Variants in CATSPERB observed in about 807,000 individuals in gnomAD.
The protein encoded by CATSPERB is catsper channel auxiliary subunit beta.
In CATSPERB, 93 loss-of-function variants were observed where a neutral mutation model predicts 128.3. The ratio of observed to expected loss-of-function variants is 0.72; its 90% CI spans 0.61 to 0.86. CATSPERB has a LOEUF of 0.86. CATSPERB is among the 40% of genes least tolerant of loss of function. The pLI is 0.00. For synonymous variants in CATSPERB, 381 were observed against 448.8 expected, an observed-to-expected ratio of 0.85 and a Z score of 1.91; for missense variants, 1,153 against 1,329.5, an observed-to-expected ratio of 0.87 and a Z score of 2.06.
At chr14:91,637,357 G>A (rs1894394773) in intron 16 of CATSPERB, among the ~76,000 whole-genome samples, 1 of 152,166 alleles carries the variant, frequency 6.6e-6, no homozygotes, top group Non-Finnish European at 1.5e-5. Flanking sequence ...GTGCACTGAG[G>A]AGAAATGGGA....
intron 9 of CATSPERB, among the ~76,000 whole-genome samples, 162 bp downstream of exon 9, chr14:91,692,964 G>A (rs777368720): frequency 2.6e-5 from 4 of 152,090 alleles, no homozygotes; most frequent in African/African-American, 4.8e-5. Context: ...TCAATACTAC[G>A]AGGTAAAGGA....
chr14:91,624,509 C>T (rs750261609), intron 18 of CATSPERB, among the ~76,000 whole-genome samples: 4 of 152,074 alleles, frequency 2.6e-5, no homozygotes, highest in South Asian at 2.1e-4. Flanking sequence ...GGTGTGGTGG[C>T]ACATGCCTGT....
At chr14:91,653,140 C>T (rs1415251954) in intron 15 of CATSPERB, among the ~76,000 whole-genome samples, 30 of 152,076 alleles carry the variant, frequency 2.0e-4, no homozygotes, top group Admixed American at 1.6e-3. Context: ...CATTTAAAAT[C>T]GTATCAGAGA....
intron 2 of CATSPERB, among the ~76,000 whole-genome samples, chr14:91,726,063 C>T (rs1896114962): frequency 6.6e-6 from 1 of 152,192 alleles, no homozygotes; most frequent in South Asian, 2.1e-4. Context: ...CCCACACCAT[C>T]CCCCTTCTAG....
intron 17 of CATSPERB, among the ~76,000 whole-genome samples, chr14:91,626,018 A>G (rs1894153900): frequency 6.6e-6 from 1 of 152,092 alleles, no homozygotes; most frequent in Non-Finnish European, 1.5e-5. Context: ...CCAGCTACTC[A>G]GGAGGCTGAG....
chr14:91,585,099 C>T (rs1893274673), intron 26 of CATSPERB, among the ~76,000 whole-genome samples: 2 of 152,072 alleles, frequency 1.3e-5, no homozygotes, highest in South Asian at 2.1e-4. Context: ...TCACCTTAGC[C>T]TTGACCTCCC....
chr14:91,594,341 G>T (rs1238128225), intron 22 of CATSPERB, among the ~76,000 whole-genome samples: 3 of 152,000 alleles, frequency 2.0e-5, no homozygotes, highest in South Asian at 2.1e-4. Flanking sequence ...GTGGGGGGAT[G>T]GGGGAGGGAT....
intron 15 of CATSPERB, among the ~76,000 whole-genome samples, chr14:91,646,555 C>T (rs561811736): frequency 1.1e-4 from 17 of 152,348 alleles, no homozygotes; most frequent in Non-Finnish European, 2.9e-5. Context: ...TTGCAATGCC[C>T]TCCAAGGGCC....
intron 2 of CATSPERB, among the ~76,000 whole-genome samples, chr14:91,728,118 G>C (rs1364100533): frequency 2.0e-5 from 3 of 151,948 alleles, no homozygotes; most frequent in Non-Finnish European, 2.9e-5. Flanking sequence ...ATAGAAATTT[G>C]TTTTTGTTTG....
chr14:91,730,084 C>A (rs749405469), intron 1 of CATSPERB, among the ~76,000 whole-genome samples: 8 of 152,162 alleles, frequency 5.3e-5, no homozygotes, highest in Admixed American at 2.0e-4. Flanking sequence ...CCATTATGGG[C>A]TCAATTTTCT....
intron 26 of CATSPERB, among the ~76,000 whole-genome samples, chr14:91,585,481 C>G (rs1409647895): frequency 1.3e-5 from 2 of 152,122 alleles, no homozygotes; most frequent in Non-Finnish European, 2.9e-5. Flanking sequence ...ATCCATTCAG[C>G]AATTGAGTCC....
At chr14:91,602,524 A>G (rs1330158233) in intron 22 of CATSPERB, among the ~76,000 whole-genome samples, 1 of 152,178 alleles carries the variant, frequency 6.6e-6, no homozygotes, top group Non-Finnish European at 1.5e-5. Context: ...AATCCACGAG[A>G]GTACATAAGA....
intron 14 of CATSPERB, among the ~76,000 whole-genome samples, chr14:91,666,637 G>A (rs1022643043): frequency 6.6e-6 from 1 of 152,188 alleles, no homozygotes; most frequent in Non-Finnish European, 1.5e-5. Flanking sequence ...AGTTGTGGCG[G>A]TGGCCGTCTT....
Position 91,704,701 on chromosome 14 carries a change from T to C in CATSPERB, c.467A>G (p.Glu156Gly), listed in dbSNP as rs1895708333. The C allele has an allele frequency of 6.2e-7, 1 of 1,609,644 alleles. No individual in the cohort carries two copies. ...CCCAGGAGTCCACTGAAGAATCGGTTCTGTGGAAATCAAATTTGGGTGTTT... is the reference window on the plus strand; with the variant it reads ...CCCAGGAGTCCACTGAAGAATCGGTCCTGTGGAAATCAAATTTGGGTGTTT... ...TEGTLLDVIREPILQWTPGDV... is the reference protein window; with the variant it reads ...TEGTLLDVIRGPILQWTPGDV... Residue 156 changes from glutamate to glycine, a missense_variant and splice_region_variant, in exon 7 of 27, where the codon GAA becomes GGA. Physicochemically the swap from Glu to Gly is moderately conservative, Grantham distance 98 (BLOSUM62 -2). Coordinates refer to ENST00000256343, the MANE Select transcript of CATSPERB (RefSeq NM_024764.4).
intron 14 of CATSPERB, among the ~76,000 whole-genome samples, chr14:91,666,748 C>A (rs1894990155): frequency 6.6e-6 from 1 of 152,150 alleles, no homozygotes; most frequent in South Asian, 2.1e-4. Flanking sequence ...GGCTATCAGA[C>A]AACCGCCTAC....
At chr14:91,697,121 A>G (rs1595183062) in intron 7 of CATSPERB, among the ~76,000 whole-genome samples, 1 of 152,278 alleles carries the variant, frequency 6.6e-6, no homozygotes, top group Non-Finnish European at 1.5e-5. Context: ...AAGATTCATG[A>G]TCATGAATTT....
chr14:91,716,973 T>C (rs1355860783), intron 5 of CATSPERB, among the ~76,000 whole-genome samples: 1 of 152,190 alleles, frequency 6.6e-6, no homozygotes, highest in Admixed American at 6.5e-5. Flanking sequence ...GTAGCTTTAT[T>C]CATAATTGTC....
At chr14:91,670,183 A>G (rs939256226) in intron 13 of CATSPERB, among the ~76,000 whole-genome samples, 1 of 152,210 alleles carries the variant, frequency 6.6e-6, no homozygotes, top group African/African-American at 2.4e-5. Flanking sequence ...AGTTTAGGAG[A>G]TTAAATAACT....
intron 22 of CATSPERB, among the ~76,000 whole-genome samples, chr14:91,601,050 T>C (rs1399611109): frequency 6.6e-6 from 1 of 152,246 alleles, no homozygotes; most frequent in African/African-American, 2.4e-5. Flanking sequence ...CCTATGTTAA[T>C]TATCAGCTGC....
Sources: allele counts gnomAD v4.1 joint callset (sites outside exome capture counted in the v4.1 genomes callset), GRCh38; gene constraint gnomAD v4.1.1; transcripts MANE v1.5; gene names NCBI Gene and HGNC (gene_info 2026-07-23, HGNC 2026-07-21).